PEDS1: variants seen among roughly 807,000 people sequenced by gnomAD.
PEDS1 encodes the protein CarF homolog.
A neutral mutation model predicts 35.2 loss-of-function variants in PEDS1; 14 were observed. The observed-to-expected ratio is 0.40, with a 90% CI of 0.26 to 0.62. The LOEUF is 0.62. Among genes scored for constraint, PEDS1 ranks in the 20% least tolerant of loss-of-function variants. The probability of loss-of-function intolerance (pLI) is 0.44; values close to 1 mark genes in which losing one functional copy is unlikely to be tolerated. For synonymous variants in PEDS1, 152 were observed against 152.0 expected (o/e 1.00, Z 0.00); for missense variants, 260 against 367.8 (o/e 0.71, Z 2.40).
At chr20:50,132,107 A>C (rs2081186618) in intron 2 of PEDS1, among the ~76,000 whole-genome samples, 1 of 152,074 alleles carries the variant, frequency 6.6e-6, no homozygotes, top group African/African-American at 2.4e-5. Context: ...AGGAGGCTGA[A>C]GCAGGAGAAT....
At chr20:50,150,010 TCAGTCCCTGTCCTGCTGGC>T (rs2081386395) in intron 1 of PEDS1, among the ~76,000 whole-genome samples, 1 of 152,152 alleles carries the variant, frequency 6.6e-6, no homozygotes, top group African/African-American at 2.4e-5. Flanking sequence ...CCAAATAGGT[TCAGTCCCTGTCCTGCTGGC>T]CTTCCCATCA....
chr20:50,151,357 G>A, intron 1 of PEDS1: 1 of 1,217,714 alleles, frequency 8.2e-7, no homozygotes, highest in Non-Finnish European at 1.1e-6. Flanking sequence ...ATTGATCGTG[G>A]TGGAGTGGGG....
At chr20:50,147,928 C>T (rs1007200380) in intron 1 of PEDS1, among the ~76,000 whole-genome samples, 1 of 151,990 alleles carries the variant, frequency 6.6e-6, no homozygotes, top group Non-Finnish European at 1.5e-5. Context: ...TGGTGGTGTG[C>T]ACCTGTAATC....
chr20:50,141,139 C>T (rs2081287959), intron 2 of PEDS1, among the ~76,000 whole-genome samples: 1 of 152,230 alleles, frequency 6.6e-6, no homozygotes, highest in Non-Finnish European at 1.5e-5. Context: ...ACAGCCTGGC[C>T]TCCCAATGTT....
At position 50,121,698 on chromosome 20, in the gene PEDS1, G is replaced by A. The variant is rs1173406444; in HGVS notation, c.*3360C>T. ...TTTTTCCAGCCCCCAGAATTCAGAA[G>A]TGAAATGGTCTGAGTCTGAGGGCTG... On this transcript the variant is annotated 3_prime_UTR_variant, in exon 6 of 6. Transcript: ENST00000371652. 2.6e-5 allele frequency: 4 copies of A among 152,196 alleles called. No individual in the cohort carries two copies. Among genetic ancestry groups the A allele is most frequent in the Non-Finnish European group, 5.9e-5 (4 of 68,054 alleles). The allele number at this position is 152,196 out of a possible 1,614,324, so 9.4% of individuals were successfully genotyped here. A position where few individuals can be genotyped will look rare whatever the true frequency, so the allele number is the denominator to read the frequency against.
In PEDS1 at chr20:50,128,308, C is replaced by T; in HGVS notation, c.479-121G>A. The T allele has an allele frequency of 1.6e-6, 2 of 1,245,880 alleles. No individual in the cohort carries two copies. The highest frequency in any genetic ancestry group is 1.5e-5 in the African/African-American group (1 of 67,590). The allele number at this position is 1,245,880 out of a possible 1,614,324, so 77.2% of individuals were successfully genotyped here. A position where few individuals can be genotyped will look rare whatever the true frequency, so the allele number is the denominator to read the frequency against. ...GAGCTGGGCAAGCACCCAGGATTCT[C>T]TTCCACCCCCTGCAGGGCCGCAGGC... is the stretch of plus-strand genomic sequence containing the variant. On this transcript the variant is annotated intron_variant, in intron 4 of 5. Coordinates refer to ENST00000371652, the MANE Select transcript of PEDS1 (RefSeq NM_199129.4). This position sits in a 1 kb window ranked among gnomAD's most constrained non-coding sequence, Gnocchi z 5.2.
rs553732989 is a variant in PEDS1 at position 50,137,708 on chromosome 20, T to TA, written c.241+5793dup. 5.3e-5 allele frequency among the ~76,000 whole-genome samples: 8 copies of TA among 152,228 alleles called. 1 individual carries two copies. In the South Asian group the frequency reaches 1.7e-3, roughly 32 times the overall value. On this transcript the variant is annotated intron_variant, in intron 2 of 5. Coordinates refer to ENST00000371652, the MANE Select transcript of PEDS1 (RefSeq NM_199129.4). ...CAACATGGTGAAATTCCATCTCTAC[T>TA]AAAAACGCAAAAATTAGCCGGGCGT...
intron 1 of PEDS1, among the ~76,000 whole-genome samples, chr20:50,150,276 T>C (rs1162253403): frequency 6.6e-6 from 1 of 152,178 alleles, no homozygotes; most frequent in Non-Finnish European, 1.5e-5. Flanking sequence ...ACTGTCACAG[T>C]GCCAAACCAC....
chr20:50,149,582 C>T (rs1233316359), intron 1 of PEDS1, among the ~76,000 whole-genome samples: 1 of 152,156 alleles, frequency 6.6e-6, no homozygotes, highest in Non-Finnish European at 1.5e-5. Flanking sequence ...AGGACCAGGG[C>T]TCAACCTCTG....
At chr20:50,134,446 C>A (rs868131835) in intron 2 of PEDS1, among the ~76,000 whole-genome samples, 2 of 152,208 alleles carry the variant, frequency 1.3e-5, no homozygotes, top group African/African-American at 4.8e-5. Flanking sequence ...ACTCAGGAGG[C>A]TGAGGCAGGA....
At chr20:50,140,209 C>T (rs564335823) in intron 2 of PEDS1, among the ~76,000 whole-genome samples, 16 of 152,358 alleles carry the variant, frequency 1.1e-4, no homozygotes, top group Non-Finnish European at 1.6e-4. Context: ...AATTTGACAA[C>T]GCATCACCAC....
chr20:50,143,064 G>A (rs2081310669), intron 2 of PEDS1, among the ~76,000 whole-genome samples: 1 of 152,088 alleles, frequency 6.6e-6, no homozygotes, highest in Admixed American at 6.5e-5. Context: ...TCTGCCTGGG[G>A]CTCTAGCAGG....
chr20:50,143,668 G>A (rs1448352275), intron 1 of PEDS1, 47 bp from the exon 2 acceptor site: 10 of 1,606,938 alleles, frequency 6.2e-6, no homozygotes, highest in Non-Finnish European at 7.7e-6. Flanking sequence ...GTCAAGGCCA[G>A]GCAGAGTGTG....
chr20:50,120,268 A>AAAACAAACAAACAAACAAAC lies in PEDS1; in HGVS notation c.*4770_*4789dup, dbSNP rs59829432. 21 of 194,286 alleles carry AAAACAAACAAACAAACAAAC rather than the reference A, an allele frequency of 1.1e-4. No individual in the cohort carries two copies. Among genetic ancestry groups the AAAACAAACAAACAAACAAAC allele is most frequent in the South Asian group, 3.8e-4 (4 of 10,628 alleles). The allele number at this position is 194,286 out of a possible 1,614,324, so 12.0% of individuals were successfully genotyped here. On this transcript the variant is annotated 3_prime_UTR_variant, in exon 6 of 6. Coordinates refer to ENST00000371652, the MANE Select transcript of PEDS1 (RefSeq NM_199129.4). ...CAACAGAGCAAGACCCTGTCTCTAA[A>AAAACAAACAAACAAACAAAC]AAACAAACAAACAAACAAACAAACA...
chr20:50,135,601 T>C, intron 2 of PEDS1, among the ~76,000 whole-genome samples: 1 of 134,174 alleles, frequency 7.5e-6, no homozygotes, highest in South Asian at 2.3e-4. Context: ...GAGGTTGCGG[T>C]GAGCTGAGAT....
At chr20:50,130,123 A>C (rs868714259) in intron 3 of PEDS1, among the ~76,000 whole-genome samples, 1 of 152,144 alleles carries the variant, frequency 6.6e-6, no homozygotes, top group South Asian at 2.1e-4. Flanking sequence ...CGGGCTGAGA[A>C]AGAACACGTG....
rs746961603 is a variant in PEDS1 at position 50,130,982 on chromosome 20, G to C, written c.242-35C>G. 5.6e-6 allele frequency: 9 copies of C among 1,614,106 alleles called. No individual in the cohort carries two copies. The South Asian group carries it at 9.9e-5, about 18-fold the overall frequency. ...AGAGGGTGAGTGAAGGGACATCCCT[G>C]CACCCCCCCAATCAGAATCACTCAT... On this transcript the variant is annotated intron_variant, in intron 2 of 5. Transcript: ENST00000371652.
At chr20:50,152,934 G>T (rs942634397) in intron 1 of PEDS1, among the ~76,000 whole-genome samples, 2 of 152,072 alleles carry the variant, frequency 1.3e-5, no homozygotes, top group Admixed American at 6.5e-5. Context: ...GGTGTGGGGG[G>T]TACCGTGCAG....
Position 50,129,696 on chromosome 20 carries a change from G to T in PEDS1, c.334-6C>A, listed in dbSNP as rs761521720. 3.1e-6 allele frequency: 5 copies of T among 1,613,804 alleles called. 1 individual carries two copies. The South Asian group carries it at 5.5e-5, about 18-fold the overall frequency. ...CGGAAGGGTCGGATGAAAGCCTGGAGTTGAGGGGGACACAGCCCCAGCAGT... is the reference window on the plus strand; with the variant it reads ...CGGAAGGGTCGGATGAAAGCCTGGATTTGAGGGGGACACAGCCCCAGCAGT... On this transcript the variant is annotated splice_polypyrimidine_tract_variant and splice_region_variant and intron_variant, in intron 3 of 5. Coordinates refer to ENST00000371652, the MANE Select transcript of PEDS1 (RefSeq NM_199129.4). The surrounding 1 kb of genome is among the most constrained non-coding windows in gnomAD (Gnocchi z 4.2).
Sources: gnomAD v4.1 joint callset for allele counts (sites outside exome capture counted in the v4.1 genomes callset) on GRCh38, gnomAD v4.1.1 for gene constraint, Gnocchi (gnomAD v3.1) non-coding constraint, MANE v1.5 for transcripts, NCBI Gene and HGNC (gene_info 2026-07-23, HGNC 2026-07-21) for gene names.